The following GALNT17 variants were observed in gnomAD, a reference collection of about 807,000 sequenced individuals.
The protein encoded by GALNT17 is polypeptide N-acetylgalactosaminyltransferase 17.
In GALNT17, 29 loss-of-function variants were observed where a neutral mutation model predicts 63.7. The observed-to-expected ratio is 0.46, with a 90% CI of 0.34 to 0.62. GALNT17 has a LOEUF of 0.62. Ranked by LOEUF, GALNT17 falls within the 20% of genes least tolerant of loss-of-function variation. GALNT17 has a pLI of 0.01. For missense variants in GALNT17, 603 were observed against 799.6 expected, an observed-to-expected ratio of 0.75 and a Z score of 2.97; for synonymous variants, 305 against 318.3, an observed-to-expected ratio of 0.96 and a Z score of 0.45.
At chr7:71,516,792 C>A (rs563851876) in intron 5 of GALNT17, among the ~76,000 whole-genome samples, 2 of 152,270 alleles carry the variant, frequency 1.3e-5, no homozygotes, top group Non-Finnish European at 2.9e-5. Context: ...CCTGGAGCAG[C>A]ATCTCTGCTC....
At chr7:71,522,163 C>G (rs1788541201) in intron 5 of GALNT17, among the ~76,000 whole-genome samples, 1 of 152,160 alleles carries the variant, frequency 6.6e-6, no homozygotes, top group Non-Finnish European at 1.5e-5. Flanking sequence ...ACAGACCGTG[C>G]TGGAAACGCA....
chr7:71,190,712 G>C (rs1788935626), intron 1 of GALNT17, among the ~76,000 whole-genome samples: 1 of 152,040 alleles, frequency 6.6e-6, no homozygotes, highest in African/African-American at 2.4e-5. Context: ...GTTCTCTGCA[G>C]CCTTAAACTC....
At chr7:71,204,202 T>C (rs1316913911) in intron 1 of GALNT17, among the ~76,000 whole-genome samples, 3 of 152,104 alleles carry the variant, frequency 2.0e-5, no homozygotes, top group Non-Finnish European at 4.4e-5. Context: ...TGTAAATGCA[T>C]TGACTGTTAA....
chr7:71,575,524 G>T (rs28463816), intron 6 of GALNT17, among the ~76,000 whole-genome samples: 2 of 152,008 alleles, frequency 1.3e-5, no homozygotes, highest in East Asian at 3.9e-4. Context: ...GAGTAGCTGG[G>T]ACTACAGGTG....
chr7:71,690,656 T>A (rs1402066174), intron 9 of GALNT17, among the ~76,000 whole-genome samples: 2 of 152,226 alleles, frequency 1.3e-5, no homozygotes, highest in Non-Finnish European at 2.9e-5. Context: ...CCAGTAAGCA[T>A]GTTTGTGATT....
chr7:71,270,987 T>G (rs774184922), intron 1 of GALNT17, among the ~76,000 whole-genome samples: 3 of 151,776 alleles, frequency 2.0e-5, no homozygotes, highest in Non-Finnish European at 4.4e-5. Context: ...TGGGAAAGCG[T>G]TTTCTAGGAA....
chr7:71,570,786 C>A (rs1404792997), intron 5 of GALNT17, among the ~76,000 whole-genome samples: 1 of 151,990 alleles, frequency 6.6e-6, no homozygotes, highest in Non-Finnish European at 1.5e-5. Context: ...TCGAGACCAG[C>A]CTGACCAACA....
At chr7:71,431,209 C>CTTTTTTTTT (rs1265130879) in intron 5 of GALNT17, among the ~76,000 whole-genome samples, 22 of 115,092 alleles carry the variant, frequency 1.9e-4, no homozygotes, top group East Asian at 4.8e-4. Flanking sequence ...CTTTTCTTTT[C>CTTTTTTTTT]TTTTTTTTTT....
chr7:71,441,832 A>G (rs552134254), intron 5 of GALNT17, among the ~76,000 whole-genome samples: 3 of 152,262 alleles, frequency 2.0e-5, no homozygotes, highest in South Asian at 2.1e-4. Context: ...TAATGGCTGC[A>G]TAGTATTCCA....
At chr7:71,146,846 C>T (rs997705613) in intron 1 of GALNT17, among the ~76,000 whole-genome samples, 1 of 152,210 alleles carries the variant, frequency 6.6e-6, no homozygotes, top group Non-Finnish European at 1.5e-5. Flanking sequence ...GCCGTAATCA[C>T]AGGCGACCAC....
chr7:71,451,529 C>T (rs554018930), intron 5 of GALNT17, among the ~76,000 whole-genome samples: 2 of 152,158 alleles, frequency 1.3e-5, no homozygotes, highest in South Asian at 2.1e-4. Flanking sequence ...TCCTTATTCT[C>T]GGTTCCCCTC....
chr7:71,309,498 G>A (rs1791373843), intron 1 of GALNT17, among the ~76,000 whole-genome samples: 1 of 152,082 alleles, frequency 6.6e-6, no homozygotes, highest in South Asian at 2.1e-4. Context: ...AGAAAACCAT[G>A]CCTTCGTCTG....
At chr7:71,269,786 T>A (rs1322280175) in intron 1 of GALNT17, among the ~76,000 whole-genome samples, 2 of 152,206 alleles carry the variant, frequency 1.3e-5, no homozygotes, top group Non-Finnish European at 2.9e-5. Flanking sequence ...GATTGTCATC[T>A]GGCTGAGAAG....
At chr7:71,704,009 G>A (rs1791689586) in intron 9 of GALNT17, among the ~76,000 whole-genome samples, 1 of 152,196 alleles carries the variant, frequency 6.6e-6, no homozygotes, top group South Asian at 2.1e-4. Context: ...AGTGTTGGTT[G>A]ACAGAGAGTC....
rs1792213713 is a variant in GALNT17, at chr7:71,352,842, T to C, written c.422+17109T>C. Among the ~76,000 whole-genome samples, 5 of 152,020 alleles carry C rather than the reference T, an allele frequency of 3.3e-5. No individual in the cohort carries two copies. In the South Asian group the frequency reaches 1.0e-3, roughly 32 times the overall value. ...AGAAATCCAGGAAAAAGAAGTGACG[T>C]GGAAGCCAGAAAAGGAGTGTTCCAG... On this transcript the variant is annotated intron_variant, in intron 2 of 10. Coordinates refer to ENST00000333538, the MANE Select transcript of GALNT17 (RefSeq NM_022479.3).
chr7:71,295,105 G>A (rs979838433), intron 1 of GALNT17, among the ~76,000 whole-genome samples: 1 of 152,142 alleles, frequency 6.6e-6, no homozygotes, highest in African/African-American at 2.4e-5. Flanking sequence ...ACAATGGGCC[G>A]AGGATACACT....
At chr7:71,155,406 T>A (rs901699675) in intron 1 of GALNT17, among the ~76,000 whole-genome samples, 1 of 151,598 alleles carries the variant, frequency 6.6e-6, no homozygotes, top group Non-Finnish European at 1.5e-5. Flanking sequence ...CCACAGTAGC[T>A]GGGACCACGG....
At chr7:71,160,397 A>G (rs1788319760) in intron 1 of GALNT17, among the ~76,000 whole-genome samples, 1 of 152,158 alleles carries the variant, frequency 6.6e-6, no homozygotes, top group South Asian at 2.1e-4. Context: ...TCACATTCTC[A>G]TGTTGCTATA....
At chr7:71,704,964 T>A (rs765068649) in intron 9 of GALNT17, among the ~76,000 whole-genome samples, 1 of 152,198 alleles carries the variant, frequency 6.6e-6, no homozygotes. Context: ...AATGGTTTCT[T>A]AGATATGACT....
Sources: allele counts gnomAD v4.1 joint callset (sites outside exome capture counted in the v4.1 genomes callset), GRCh38; gene constraint gnomAD v4.1.1; transcripts MANE v1.5; gene names NCBI Gene and HGNC (gene_info 2026-07-23, HGNC 2026-07-21).